Variants in COL4A4 observed in about 807,000 individuals in gnomAD.
The protein encoded by COL4A4 is collagen alpha-4(IV) chain.
A neutral mutation model predicts 192.9 loss-of-function variants in COL4A4; 105 were observed. The ratio of observed to expected loss-of-function variants is 0.54; its 90% CI spans 0.46 to 0.64. The LOEUF (loss-of-function observed/expected upper bound fraction) is 0.64, where lower values mean the gene tolerates loss of function less well. Among genes scored for constraint, COL4A4 ranks in the 30% least tolerant of loss-of-function variants. The pLI is 0.00. For missense variants in COL4A4, 1,967 were observed against 2,169.3 expected, an observed-to-expected ratio of 0.91 and a Z score of 1.85; for synonymous variants, 762 against 769.9, an observed-to-expected ratio of 0.99 and a Z score of 0.17.
intron 4 of COL4A4, among the ~76,000 whole-genome samples, chr2:227,122,875 T>C (rs1559682228): frequency 2.0e-5 from 3 of 148,220 alleles, no homozygotes; most frequent in Admixed American, 2.0e-4. Flanking sequence ...TTATTATTAT[T>C]TTTTTTTGAG....
At position 227,103,182 on chromosome 2, in the gene COL4A4, G is replaced by A. The variant is rs1576522703; in HGVS notation, c.832C>T (p.Pro278Ser). The A allele has an allele frequency of 1.2e-6, 2 of 1,612,256 alleles. No homozygotes were observed. The highest frequency in any genetic ancestry group is 1.7e-6 in the Non-Finnish European group (2 of 1,179,288). ...GGTCCTGGCAGTCCAACCATTCCAG[G>A]AATTCCTTTTATACCCTAAAAATTA... ...YKGEKGIKGI[P>S]GMVGLPGPPG... The change falls in exon 14 of 48, where the codon CCT becomes TCT. Residue 278 changes from proline to serine, a missense_variant. Physicochemically the swap from Pro to Ser is moderately conservative, Grantham distance 74. Coordinates refer to ENST00000396625, the MANE Select transcript of COL4A4 (RefSeq NM_000092.5).
the COL4A4 span, among the ~76,000 whole-genome samples, chr2:226,994,739 C>T: frequency 6.6e-6 from 1 of 152,100 alleles, no homozygotes; most frequent in Non-Finnish European, 1.5e-5. Flanking sequence ...ACTCATGATG[C>T]CTGGGAGAAT....
At position 227,098,907 on chromosome 2, in the gene COL4A4, T is replaced by C. The variant is rs1190074224; in HGVS notation, c.1100-109A>G. On this transcript the variant is annotated intron_variant, in intron 18 of 47. Transcript: ENST00000396625. Reference sequence around the variant, plus strand: ...AGTAAAGTATAATTAGGAGACATTTTTGCAGTTTCTCATTACATTTAAAAC... The same window carrying C: ...AGTAAAGTATAATTAGGAGACATTTCTGCAGTTTCTCATTACATTTAAAAC... The C allele has an allele frequency of 3.3e-6, 3 of 902,512 alleles. No homozygotes were observed. The East Asian group carries it at 7.9e-5, about 24-fold the overall frequency. 55.9% of individuals were successfully genotyped at this position (902,512 alleles called of 1,614,324 possible). A position where few individuals can be genotyped will look rare whatever the true frequency, so the allele number is the denominator to read the frequency against.
At chr2:227,049,771 C>T (rs568071581) in intron 34 of COL4A4, among the ~76,000 whole-genome samples, 37 of 152,318 alleles carry the variant, frequency 2.4e-4, no homozygotes, top group African/African-American at 8.9e-4. Context: ...GTTCTCCTTG[C>T]AACTGAGCTG....
rs1976316443 is a variant in COL4A4 at position 227,059,400 on chromosome 2, C to T, written c.2383+5G>A. 1 of 1,613,144 alleles carries T rather than the reference C, an allele frequency of 6.2e-7. No individual in the cohort carries two copies. Among genetic ancestry groups the T allele is most frequent in the Admixed American group, 1.7e-5 (1 of 60,010 alleles). The stretch of plus-strand genomic sequence containing the variant: ...TGCACCAAAAGGACAGCAAAGCCCT[C>T]ATACCTTCAGCCCCTGGACATCCCG... On this transcript the variant is annotated splice_donor_5th_base_variant and intron_variant, in intron 28 of 47. Transcript: ENST00000396625.
chr2:227,044,107 T>A (rs1477863442), intron 35 of COL4A4, among the ~76,000 whole-genome samples: 1 of 152,236 alleles, frequency 6.6e-6, no homozygotes, highest in Non-Finnish European at 1.5e-5. Flanking sequence ...TGGTTCTTGA[T>A]ACAGGTTGCC....
At chr2:227,012,738 C>T (rs191086623) in intron 44 of COL4A4, among the ~76,000 whole-genome samples, 20 of 151,614 alleles carry the variant, frequency 1.3e-4, no homozygotes, top group East Asian at 5.8e-4. Flanking sequence ...GAAACTTAAT[C>T]GGTTTCATTT....
intron 44 of COL4A4, among the ~76,000 whole-genome samples, chr2:227,014,419 C>T (rs983876410): frequency 1.3e-5 from 2 of 152,204 alleles, no homozygotes; most frequent in Non-Finnish European, 2.9e-5. Flanking sequence ...AAACTCTTTC[C>T]GGTGATGACC....
At position 227,041,076 on chromosome 2, in the gene COL4A4, G is replaced by A. The variant is rs542047065; in HGVS notation, c.3505+1072C>T. ...AAATTATTCTTGATCGAAAAAAGAT[G>A]ATGAACACTAATTATTCTATATCTG... is the stretch of plus-strand genomic sequence containing the variant. On this transcript the variant is annotated intron_variant, in intron 37 of 47. Coordinates refer to ENST00000396625, the MANE Select transcript of COL4A4 (RefSeq NM_000092.5). Among the ~76,000 whole-genome samples the A allele has an allele frequency of 3.3e-5, 5 of 152,170 alleles. No homozygotes were observed. In the South Asian group the frequency reaches 1.0e-3, roughly 32 times the overall value.
chr2:227,015,895 GTC>G (rs1029688719), intron 44 of COL4A4, among the ~76,000 whole-genome samples: 1 of 152,088 alleles, frequency 6.6e-6, no homozygotes, highest in African/African-American at 2.4e-5. Context: ...AGGCAATTGT[GTC>G]TTTTAAAAGT....
intron 40 of COL4A4, among the ~76,000 whole-genome samples, chr2:227,031,137 G>A (rs1968300797): frequency 1.3e-5 from 2 of 152,142 alleles, no homozygotes; most frequent in African/African-American, 2.4e-5. Context: ...ATGTTCACTC[G>A]ATTAAATTTA....
intron 3 of COL4A4, among the ~76,000 whole-genome samples, chr2:227,143,870 G>T (rs2063380072): frequency 6.6e-6 from 1 of 152,172 alleles, no homozygotes; most frequent in Non-Finnish European, 1.5e-5. Flanking sequence ...TTTGACCCAG[G>T]TGTTTTCTGC....
chr2:227,009,505 A>G (rs1238161628), intron 46 of COL4A4, among the ~76,000 whole-genome samples: 1 of 152,008 alleles, frequency 6.6e-6, no homozygotes, highest in Non-Finnish European at 1.5e-5. Flanking sequence ...GATATTCGAG[A>G]CCTACCTGGC....
chr2:227,108,679 AAG>A, intron 11 of COL4A4, 57 bp from the exon 12 acceptor site: 1 of 1,595,564 alleles, frequency 6.3e-7, no homozygotes, highest in South Asian at 1.1e-5. Context: ...AAGTAATTAA[AAG>A]CAATTAAGAC....
At chr2:227,142,075 C>T (rs925236792) in intron 3 of COL4A4, among the ~76,000 whole-genome samples, 1 of 132,488 alleles carries the variant, frequency 7.5e-6, no homozygotes, top group Admixed American at 8.3e-5. Flanking sequence ...GAAAGAATCA[C>T]TTTAAAATAG....
Position 227,140,207 on chromosome 2 carries a change from C to T in COL4A4, c.146G>A (p.Gly49Glu), listed in dbSNP as rs2063104903. 1 of 1,613,982 alleles carries T rather than the reference C, an allele frequency of 6.2e-7. No homozygotes were observed. Among genetic ancestry groups the T allele is most frequent in the Non-Finnish European group, 8.5e-7 (1 of 1,179,996 alleles). ...ACAGTGGCAAACAGAGCAATCTCTT[C>T]CTCCACAAGGACCAATGTATTTCTT... ...SGKKYIGPCG[G>E]RDCSVCHCVP... Residue 49 changes from glycine to glutamate, a missense_variant, in exon 4 of 48, where the codon GGA (glycine) becomes GAA (glutamate). Gly to Glu is a moderately conservative substitution (Grantham distance 98). Transcript: ENST00000396625.
intron 1 of COL4A4, among the ~76,000 whole-genome samples, chr2:227,157,402 A>C (rs570965804): frequency 6.6e-5 from 10 of 152,214 alleles, no homozygotes; most frequent in African/African-American, 1.9e-4. Flanking sequence ...GAAAAGAACA[A>C]ATTAAACCTG....
At chr2:227,118,165 C>T (rs1369783146) in intron 7 of COL4A4, among the ~76,000 whole-genome samples, 5 of 152,092 alleles carry the variant, frequency 3.3e-5, no homozygotes, top group African/African-American at 4.8e-5. Context: ...TCAGTGGTCT[C>T]GTGTGGTCCT....
At chr2:227,103,914 T>C (rs2060667381) in intron 13 of COL4A4, 58 bp downstream of exon 13, 2 of 1,331,214 alleles carry the variant, frequency 1.5e-6, no homozygotes, top group Non-Finnish European at 1.1e-6. Flanking sequence ...CACAGATCCA[T>C]GTCAAAAAAT....
Sources: allele counts gnomAD v4.1 joint callset (sites outside exome capture counted in the v4.1 genomes callset), GRCh38; gene constraint gnomAD v4.1.1; transcripts MANE v1.5; gene names NCBI Gene and HGNC (gene_info 2026-07-23, HGNC 2026-07-21).